CPD: variants seen among roughly 807,000 people sequenced by gnomAD.
The protein encoded by CPD is carboxypeptidase D.
Under a neutral mutation model 138.3 loss-of-function variants are expected in CPD, and 69 were observed. The ratio of observed to expected loss-of-function variants is 0.50; its 90% CI spans 0.41 to 0.61. CPD has a LOEUF of 0.61. CPD is among the 20% of genes least tolerant of loss of function. CPD has a pLI of 0.00. For missense variants in CPD, 1,432 were observed against 1,733.3 expected (o/e 0.83, Z 3.09); for synonymous variants, 651 against 642.1 (o/e 1.01, Z -0.21).
intron 2 of CPD, among the ~76,000 whole-genome samples, chr17:30,415,834 C>G (rs1488327547): frequency 1.3e-5 from 2 of 152,164 alleles, no homozygotes; most frequent in African/African-American, 4.8e-5. Flanking sequence ...CTATCATATG[C>G]TATAACATGG....
chr17:30,430,387 CAT>C (rs1348540315), intron 7 of CPD, among the ~76,000 whole-genome samples: 4 of 152,274 alleles, frequency 2.6e-5, no homozygotes, highest in Non-Finnish European at 4.4e-5. Flanking sequence ...AATCCTATAA[CAT>C]GTGACCTTTC....
chr17:30,446,044 T>C (rs1197280333), intron 12 of CPD, 24 bp downstream of exon 12: 1 of 1,221,432 alleles, frequency 8.2e-7, no homozygotes, highest in East Asian at 3.0e-5. Flanking sequence ...TCTATTGTCT[T>C]TTTTTTTTTT....
intron 8 of CPD, among the ~76,000 whole-genome samples, chr17:30,434,513 G>C (rs1023642161): frequency 1.3e-5 from 2 of 152,142 alleles, no homozygotes; most frequent in East Asian, 3.8e-4. Context: ...GCAGATTAGA[G>C]CTCTGGAATA....
Position 30,445,837 on chromosome 17 carries a change from C to G in CPD, c.2690C>G (p.Pro897Arg), listed in dbSNP as rs761003924. ...AGCAGCACCAATGATGCCAGTGATC[C>G]AACTACTAAAGAGTTTGAAACTTTA... ...ASSSTNDASD[P>R]TTKEFETLIK... The change falls in exon 12 of 21, where the codon CCA becomes CGA. Residue 897 changes from proline to arginine, a missense_variant. Physicochemically the swap from Pro to Arg is moderately radical, Grantham distance 103 (BLOSUM62 -2). Transcript: ENST00000225719. 3 of 1,614,084 alleles carry G rather than the reference C, an allele frequency of 1.9e-6. No individual in the cohort carries two copies. In the Admixed American group the frequency reaches 5.0e-5, roughly 27 times the overall value.
At chr17:30,445,075 C>G (rs868185996) in intron 11 of CPD, among the ~76,000 whole-genome samples, 1 of 152,012 alleles carries the variant, frequency 6.6e-6, no homozygotes. Flanking sequence ...CTTTCCCACC[C>G]GTATACCCTG....
chr17:30,429,743 CAAAG>C (rs754802031), intron 7 of CPD, among the ~76,000 whole-genome samples: 4 of 152,044 alleles, frequency 2.6e-5, no homozygotes, highest in Non-Finnish European at 5.9e-5. Context: ...AGTGACTACA[CAAAG>C]GAAGGGGTTT....
intron 17 of CPD, 93 bp from the exon 18 acceptor site, chr17:30,461,082 GTTTTC>G (rs1475109259): frequency 6.6e-6 from 6 of 915,758 alleles, no homozygotes; most frequent in African/African-American, 1.7e-5. Context: ...CGTCAGCTAC[GTTTTC>G]TTTTCATTTA....
At chr17:30,399,556 T>C (rs1318632106) in intron 2 of CPD, among the ~76,000 whole-genome samples, 1 of 152,210 alleles carries the variant, frequency 6.6e-6, no homozygotes, top group African/African-American at 2.4e-5. Context: ...CGTTATGTAA[T>C]GTCCCTCTTT....
chr17:30,406,975 C>T (rs576323882), intron 2 of CPD, among the ~76,000 whole-genome samples: 17 of 152,246 alleles, frequency 1.1e-4, no homozygotes, highest in African/African-American at 3.9e-4. Context: ...GTACCCCACC[C>T]GCCTACAGGT....
Position 30,423,701 on chromosome 17 carries a change from A to G in CPD, c.1849+4A>G. The G allele has an allele frequency of 6.5e-7, 1 of 1,545,590 alleles. No individual in the cohort carries two copies. Among genetic ancestry groups the G allele is most frequent in the Non-Finnish European group, 8.8e-7 (1 of 1,142,726 alleles). ...GGGTATGAAAAGTCCCAGGAAGGTA[A>G]AGAATAGCATTTAATTCTTAATCAT... On this transcript the variant is annotated splice_donor_region_variant and intron_variant, in intron 6 of 20. Coordinates refer to ENST00000225719, the MANE Select transcript of CPD (RefSeq NM_001304.5).
At chr17:30,406,767 A>C (rs948875111) in intron 2 of CPD, among the ~76,000 whole-genome samples, 1 of 152,082 alleles carries the variant, frequency 6.6e-6, no homozygotes, top group Non-Finnish European at 1.5e-5. Flanking sequence ...ATGCAAAAAA[A>C]CCCTTAGATT....
Position 30,420,844 on chromosome 17 carries a change from G to A in CPD, c.998G>A (p.Gly333Asp). The change falls in exon 3 of 21, where the codon GGT becomes GAT. Residue 333 changes from glycine to aspartate, a missense_variant. Coordinates refer to ENST00000225719, the MANE Select transcript of CPD (RefSeq NM_001304.5). ...ACTTATTTTTTCTATGTTACAGGTG[G>A]TATGCAAGATTACAATTATGTGTGG... ...NGAHWYDVEG[G>D]MQDYNYVWAN... 6.2e-7 allele frequency: 1 copy of A among 1,608,296 alleles called. No homozygotes were observed. Among genetic ancestry groups the A allele is most frequent in the Non-Finnish European group, 8.5e-7 (1 of 1,176,576 alleles).
chr17:30,404,896 G>T lies in CPD; in HGVS notation c.995-15945G>T, dbSNP rs572083690. ...TCTCATGGTTTTATACTACTTTGTTGTCATACTTAGAAGGGCTTTCCTCAT... is the reference window on the plus strand; with the variant it reads ...TCTCATGGTTTTATACTACTTTGTTTTCATACTTAGAAGGGCTTTCCTCAT... On this transcript the variant is annotated intron_variant, in intron 2 of 20. Transcript: ENST00000225719. Among the ~76,000 whole-genome samples the T allele has an allele frequency of 1.7e-3, 264 of 152,024 alleles. 1 individual carries two copies. The highest frequency in any genetic ancestry group is 6.0e-3 in the African/African-American group (250 of 41,462).
chr17:30,450,057 C>CTT (rs931263363), intron 13 of CPD, among the ~76,000 whole-genome samples: 6 of 137,856 alleles, frequency 4.4e-5, no homozygotes, highest in Non-Finnish European at 6.4e-5. Context: ...TAGTTCTTTA[C>CTT]TTTTTTTTTT....
intron 11 of CPD, 102 bp from the exon 12 acceptor site, chr17:30,445,589 C>T (rs913373770): frequency 1.4e-5 from 11 of 779,892 alleles, no homozygotes; most frequent in Non-Finnish European, 2.0e-5. Context: ...AACTGCACCA[C>T]ATTTATCCCA....
In CPD at chr17:30,379,107, A is replaced by G. The variant is rs771662331; in HGVS notation, c.127A>G (p.Thr43Ala). 1.9e-6 allele frequency: 3 copies of G among 1,549,064 alleles called. No individual in the cohort carries two copies. The highest frequency in any genetic ancestry group is 1.9e-5 in the Admixed American group (1 of 52,724). The part of the protein sequence containing the change: ...HIKKAEATTT[T>A]TSAGAEAAEG... ...CAAGAAGGCGGAGGCGACTACCACA[A>G]CTACGAGCGCGGGCGCCGAGGCGGC... Residue 43 changes from threonine (T) to alanine (A), a missense_variant, in exon 1 of 21, where the codon ACT becomes GCT. By Grantham distance (58) the Thr-to-Ala change is moderately conservative. This residue lies in a region of CPD where 484 missense variants were observed against 477.2 expected (regional missense o/e 1.01). Transcript: ENST00000225719. The surrounding 1 kb of genome is among the most constrained non-coding windows in gnomAD (Gnocchi z 7.0).
intron 2 of CPD, among the ~76,000 whole-genome samples, chr17:30,386,278 C>T (rs1911183917): frequency 1.3e-5 from 2 of 152,078 alleles, no homozygotes; most frequent in Non-Finnish European, 1.5e-5. Flanking sequence ...ATCCTCTTAC[C>T]TCAAACTCCC....
At chr17:30,389,868 C>G (rs751887707) in intron 2 of CPD, among the ~76,000 whole-genome samples, 63 of 152,164 alleles carry the variant, frequency 4.1e-4, no homozygotes, top group Admixed American at 4.1e-3. Context: ...TATTTCTCTT[C>G]GTACCTCAGC....
In CPD at chr17:30,379,177, C is replaced by T; in HGVS notation, c.197C>T (p.Ser66Leu). 1 of 1,533,558 alleles carries T rather than the reference C, an allele frequency of 6.5e-7. No homozygotes were observed. Among genetic ancestry groups the T allele is most frequent in the African/African-American group, 1.4e-5 (1 of 71,178 alleles). The allele number at this position is 1,533,558 out of a possible 1,614,324, so 95.0% of individuals were successfully genotyped here. ...DRYYHEEELESALREAAAAGL... is the reference protein window; with the variant it reads ...DRYYHEEELELALREAAAAGL... ...TACTACCACGAAGAGGAGTTGGAGT[C>T]GGCGCTGAGGGAGGCGGCGGCCGCG... The change falls in exon 1 of 21, where the codon TCG (serine) becomes TTG (leucine). Residue 66 changes from serine to leucine, a missense_variant. By Grantham distance (145) the Ser-to-Leu change is moderately radical (BLOSUM62 -2). Coordinates refer to ENST00000225719, the MANE Select transcript of CPD (RefSeq NM_001304.5). The surrounding 1 kb of genome is among the most constrained non-coding windows in gnomAD (Gnocchi z 7.0).
Sources: gnomAD v4.1 joint callset for allele counts (sites outside exome capture counted in the v4.1 genomes callset) on GRCh38, gnomAD v4.1.1 for gene constraint, gnomAD v4.1.1 regional missense constraint, Gnocchi (gnomAD v3.1) non-coding constraint, MANE v1.5 for transcripts, NCBI Gene and HGNC (gene_info 2026-07-23, HGNC 2026-07-21) for gene names.